Variants in LCORL observed in about 807,000 individuals in gnomAD.
LCORL encodes the protein ligand-dependent nuclear receptor corepressor-like protein.
Under a neutral mutation model 141.8 loss-of-function variants are expected in LCORL, and 41 were observed. That is an observed-to-expected ratio of 0.29 (90% CI 0.23 to 0.38). The LOEUF (loss-of-function observed/expected upper bound fraction) is 0.38. LCORL is among the 10% of genes least tolerant of loss of function. The pLI is 1.00. For missense variants in LCORL, 1,759 were observed against 2,035.0 expected, an observed-to-expected ratio of 0.86 and a Z score of 2.61; for synonymous variants, 618 against 694.1, an observed-to-expected ratio of 0.89 and a Z score of 1.72.
At chr4:17,912,880 A>T in intron 4 of LCORL, 1 of 458,178 alleles carries the variant, frequency 2.2e-6, no homozygotes, top group Non-Finnish European at 4.2e-6. Flanking sequence ...CCTGGACAGC[A>T]GCAATTCCAT....
At chr4:17,851,366 C>A (rs1723686131) in intron 7 of LCORL, among the ~76,000 whole-genome samples, 1 of 152,042 alleles carries the variant, frequency 6.6e-6, no homozygotes, top group Non-Finnish European at 1.5e-5. Flanking sequence ...ACTATTGTTA[C>A]CATTTTATTG....
At chr4:17,943,491 T>A (rs983297604) in intron 4 of LCORL, among the ~76,000 whole-genome samples, 1 of 152,238 alleles carries the variant, frequency 6.6e-6, no homozygotes, top group Non-Finnish European at 1.5e-5. Flanking sequence ...TGAAAGGAAT[T>A]ACTAGAGAAA....
intron 6 of LCORL, among the ~76,000 whole-genome samples, 199 bp from the exon 7 acceptor site, chr4:17,878,412 T>A (rs971411019): frequency 3.3e-5 from 5 of 151,600 alleles, no homozygotes; most frequent in African/African-American, 9.6e-5. Flanking sequence ...TGACAAAGTA[T>A]AAGTCAAAGC....
intron 7 of LCORL, among the ~76,000 whole-genome samples, chr4:17,864,572 A>G (rs1393520304): frequency 2.6e-5 from 4 of 152,230 alleles, no homozygotes; most frequent in Admixed American, 1.3e-4. Context: ...GATCCAAAAG[A>G]AGGCTGGAAA....
In LCORL at chr4:18,002,249, T is replaced by C. The variant is rs772327695; in HGVS notation, c.154+19349A>G. ...CTGTTCAGCATATGCTATGGGTCTA[T>C]AATAAGCAATATCTTCTTTGGTTTG... On this transcript the variant is annotated intron_variant, in intron 1 of 7. Transcript: ENST00000635767. 3.9e-5 allele frequency among the ~76,000 whole-genome samples: 6 copies of C among 152,340 alleles called. No homozygotes were observed. In the South Asian group the frequency reaches 8.3e-4, roughly 21 times the overall value.
chr4:17,946,710 T>G (rs896617069), intron 4 of LCORL, among the ~76,000 whole-genome samples: 1 of 151,982 alleles, frequency 6.6e-6, no homozygotes, highest in Non-Finnish European at 1.5e-5. Flanking sequence ...ATCCCTTAAA[T>G]AGCCCATAAG....
At chr4:17,960,821 A>T (rs1389996440) in intron 4 of LCORL, among the ~76,000 whole-genome samples, 3 of 152,034 alleles carry the variant, frequency 2.0e-5, no homozygotes, top group Non-Finnish European at 4.4e-5. Flanking sequence ...GATAATGCAG[A>T]TTTCTCAACA....
chr4:17,884,619 G>C lies in LCORL; in HGVS notation c.776+1449C>G. On this transcript the variant is annotated intron_variant, in intron 6 of 7. Transcript: ENST00000635767. The surrounding 1 kb of genome is among the most constrained non-coding windows in gnomAD (Gnocchi z 4.4). ...AAGTGAAGAAGTAAAGTTTTTTGAG[G>C]TATGCCATAAAGTATGCCTGCTTTA... is the stretch of plus-strand genomic sequence containing the variant. 6.5e-7 allele frequency: 1 copy of C among 1,547,190 alleles called. No homozygotes were observed. The highest frequency in any genetic ancestry group is 8.7e-7 in the Non-Finnish European group (1 of 1,145,346).
At chr4:17,978,493 G>A (rs1466575692) in intron 1 of LCORL, among the ~76,000 whole-genome samples, 2 of 151,904 alleles carry the variant, frequency 1.3e-5, no homozygotes, top group South Asian at 2.1e-4. Flanking sequence ...CAGCTAATTG[G>A]GTGGCTGAAG....
intron 1 of LCORL, among the ~76,000 whole-genome samples, chr4:18,015,698 T>C (rs1321815190): frequency 5.3e-5 from 8 of 151,848 alleles, no homozygotes; most frequent in East Asian, 1.9e-4. Flanking sequence ...TCTACTCTTA[T>C]GGGGTTTACA....
intron 3 of LCORL, 121 bp downstream of exon 3, chr4:17,962,848 CA>C (rs1714114732): frequency 2.2e-6 from 1 of 451,160 alleles, no homozygotes; most frequent in Non-Finnish European, 3.9e-6. Context: ...TTTCGTTTAC[CA>C]AAATCAAATA....
intron 5 of LCORL, 90 bp downstream of exon 5, chr4:17,909,004 A>G (rs1261161118): frequency 1.7e-6 from 2 of 1,187,152 alleles, no homozygotes; most frequent in East Asian, 2.7e-5. Flanking sequence ...CATCCAAAAT[A>G]AATTTCCCTA....
At chr4:17,889,368 CAAAT>C (rs965010708) in intron 5 of LCORL, among the ~76,000 whole-genome samples, 3 of 152,026 alleles carry the variant, frequency 2.0e-5, no homozygotes, top group East Asian at 1.9e-4. Flanking sequence ...AAGGATTTGA[CAAAT>C]AAAGTAATAT....
intron 4 of LCORL, among the ~76,000 whole-genome samples, chr4:17,916,562 C>T (rs1476132576): frequency 6.6e-6 from 1 of 151,878 alleles, no homozygotes; most frequent in Non-Finnish European, 1.5e-5. Context: ...GAGGTCCTTA[C>T]CAGAGCTGAG....
chr4:17,916,568 C>T (rs1021677518), intron 4 of LCORL, among the ~76,000 whole-genome samples: 1 of 151,632 alleles, frequency 6.6e-6, no homozygotes, highest in South Asian at 2.1e-4. Flanking sequence ...CTTACCAGAG[C>T]TGAGCAGATA....
At chr4:17,959,630 A>G (rs112457015) in intron 4 of LCORL, among the ~76,000 whole-genome samples, 1 of 152,250 alleles carries the variant, frequency 6.6e-6, no homozygotes, top group African/African-American at 2.4e-5. Context: ...CTCAAAAAGC[A>G]TAAGTTGGGA....
intron 1 of LCORL, among the ~76,000 whole-genome samples, chr4:17,999,009 C>CATATATAT (rs146713785): frequency 2.0e-5 from 2 of 99,434 alleles, no homozygotes; most frequent in East Asian, 2.7e-4. Context: ...TATATACACA[C>CATATATAT]ATATATATAT....
intron 4 of LCORL, among the ~76,000 whole-genome samples, chr4:17,958,356 C>A (rs763207536): frequency 3.4e-4 from 51 of 151,820 alleles, no homozygotes; most frequent in African/African-American, 1.1e-3. Flanking sequence ...CAGTATGATT[C>A]GTTCAGCTAC....
intron 5 of LCORL, among the ~76,000 whole-genome samples, chr4:17,899,500 C>T (rs904617814): frequency 6.6e-6 from 1 of 152,254 alleles, no homozygotes; most frequent in East Asian, 1.9e-4. Flanking sequence ...GGAAACGGAA[C>T]AAGTCCAGAG....
Sources: allele counts gnomAD v4.1 joint callset (sites outside exome capture counted in the v4.1 genomes callset), GRCh38; gene constraint gnomAD v4.1.1; non-coding constraint Gnocchi (gnomAD v3.1); transcripts MANE v1.5; gene names NCBI Gene and HGNC (gene_info 2026-07-23, HGNC 2026-07-21).